The following CIITA variants were observed in gnomAD, a reference collection of about 807,000 sequenced individuals.
The protein encoded by CIITA is class II major histocompatibility complex transactivator.
CIITA carries 72 observed loss-of-function variants against 115.1 expected under a neutral mutation model. The ratio of observed to expected loss-of-function variants is 0.63; its 90% CI spans 0.52 to 0.76. The LOEUF is 0.76. Among genes scored for constraint, CIITA ranks in the 30% least tolerant of loss-of-function variants. The pLI is 0.00. For missense variants in CIITA, 1,617 were observed against 1,463.8 expected (o/e 1.10, Z -1.71); for synonymous variants, 763 against 635.6 (o/e 1.20, Z -3.02).
intron 1 of CIITA, among the ~76,000 whole-genome samples, chr16:10,866,780 G>A (rs1260812643): frequency 6.6e-6 from 1 of 152,222 alleles, no homozygotes; most frequent in East Asian, 1.9e-4. Flanking sequence ...CACTCTGCTG[G>A]AAGGAACCAT....
At chr16:10,868,174 G>A (rs936931023) in intron 1 of CIITA, among the ~76,000 whole-genome samples, 4 of 152,152 alleles carry the variant, frequency 2.6e-5, no homozygotes, top group African/African-American at 4.8e-5. Flanking sequence ...CAGCCTAAGC[G>A]CAATCTAGAA....
intron 10 of CIITA, among the ~76,000 whole-genome samples, chr16:10,906,156 G>A (rs2144681684): frequency 6.6e-6 from 1 of 152,234 alleles, no homozygotes; most frequent in African/African-American, 2.4e-5. Flanking sequence ...TTGTGCCATT[G>A]CACGCCAGCC....
Position 10,918,431 on chromosome 16 carries a change from T to C in CIITA, c.3063-9T>C. 1 of 1,613,764 alleles carries C rather than the reference T, an allele frequency of 6.2e-7. No individual in the cohort carries two copies. The highest frequency in any genetic ancestry group is 2.2e-5 in the East Asian group (1 of 44,878). ...GTCCTGAGCCCTCCCCCTCACTGTG[T>C]CCCCGCAGTCTGTCCCAGAACAACA... On this transcript the variant is annotated splice_polypyrimidine_tract_variant and intron_variant, in intron 15 of 19. Transcript: ENST00000324288.
chr16:10,897,240 T>C (rs1306610875), intron 3 of CIITA, among the ~76,000 whole-genome samples: 1 of 152,220 alleles, frequency 6.6e-6, no homozygotes, highest in Non-Finnish European at 1.5e-5. Context: ...GCCTTCTTAC[T>C]GGTGAGGACT....
rs1303130418 is a variant in CIITA at position 10,902,093 on chromosome 16, C to T, written c.537C>T (p.Cys179=). 1 of 1,614,172 alleles carries T rather than the reference C, an allele frequency of 6.2e-7. No individual in the cohort carries two copies. Residue 179 remains cysteine (C), a synonymous_variant, in exon 7 of 20, where the codon TGC becomes TGT. Transcript: ENST00000324288. The stretch of plus-strand genomic sequence containing the variant: ...TCCTAGTGGGACCAGTGAGCGACTG[C>T]TCCACCCTGCCCTGCCTGCCACTGC... The part of the protein sequence containing the change: ...GSLLVGPVSD[C]STLPCLPLPA...
chr16:10,877,720 C>G (rs1324083158), intron 1 of CIITA, among the ~76,000 whole-genome samples: 1 of 152,228 alleles, frequency 6.6e-6, no homozygotes. Flanking sequence ...TGGGTAAATA[C>G]TGAGGGGTGC....
At chr16:10,877,997 GC>G (rs2036006808) in intron 1 of CIITA, among the ~76,000 whole-genome samples, 1 of 152,194 alleles carries the variant, frequency 6.6e-6, no homozygotes, top group Non-Finnish European at 1.5e-5. Flanking sequence ...GGAAGGGTGT[GC>G]CCCTGAAGAA....
chr16:10,897,323 T>C lies in CIITA; in HGVS notation c.296-1347T>C, dbSNP rs562223922. Among the ~76,000 whole-genome samples, 23 of 152,254 alleles carry C rather than the reference T, an allele frequency of 1.5e-4. No individual in the cohort carries two copies. The East Asian group carries it at 4.2e-3, about 28-fold the overall frequency. ...TCGGTGTGATAGTCTCTCTTCCTCT[T>C]CTCATAAAACCACTAGTCTTACTCC... On this transcript the variant is annotated intron_variant, in intron 3 of 19. Coordinates refer to ENST00000324288, the MANE Select transcript of CIITA (RefSeq NM_000246.4).
chr16:10,867,370 G>A (rs925321852), intron 1 of CIITA, among the ~76,000 whole-genome samples: 6 of 151,458 alleles, frequency 4.0e-5, no homozygotes, highest in Non-Finnish European at 7.4e-5. Flanking sequence ...GTGTGTGCAT[G>A]TGTGTGTCTG....
rs2039453116 is a variant in CIITA, at chr16:10,910,062, C to G, written c.2817-126C>G. On this transcript the variant is annotated intron_variant, in intron 12 of 19. Transcript: ENST00000324288. Reference sequence around the variant, plus strand: ...ATCTTTTTTTTTAAGAGGGGGACAACAGTTGCCCCAAGGAAAGCAATCCCC... The same window carrying G: ...ATCTTTTTTTTTAAGAGGGGGACAAGAGTTGCCCCAAGGAAAGCAATCCCC... 4 of 754,082 alleles carry G rather than the reference C, an allele frequency of 5.3e-6. No individual in the cohort carries two copies. The Admixed American group carries it at 8.2e-5, about 15-fold the overall frequency. The allele number at this position is 754,082 out of a possible 1,614,324, so 46.7% of individuals were successfully genotyped here. A position where few individuals can be genotyped will look rare whatever the true frequency, so the allele number is the denominator to read the frequency against.
rs371577816 is a variant in CIITA at position 10,907,137 on chromosome 16, C to T, written c.1645C>T (p.Pro549Ser). The stretch of plus-strand genomic sequence containing the variant: ...TTGCACCCTCCTCCTCACAGCCCGG[C>T]CCCGGGGCCGCCTGGTCCAGAGCCT... ...RGCTLLLTAR[P>S]RGRLVQSLSK... Residue 549 changes from proline to serine, a missense_variant, in exon 11 of 20, where the codon CCC becomes TCC. Coordinates refer to ENST00000324288, the MANE Select transcript of CIITA (RefSeq NM_000246.4). This position sits in a 1 kb window ranked among gnomAD's most constrained non-coding sequence, Gnocchi z 5.0. 3 of 1,612,486 alleles carry T rather than the reference C, an allele frequency of 1.9e-6. No homozygotes were observed. Among genetic ancestry groups the T allele is most frequent in the Non-Finnish European group, 8.5e-7 (1 of 1,179,822 alleles).
chr16:10,910,366 C>T, intron 13 of CIITA, 107 bp downstream of exon 13: 2 of 966,102 alleles, frequency 2.1e-6, no homozygotes, highest in African/African-American at 1.6e-5. Flanking sequence ...ATCATTCTTA[C>T]CCTCTTGCCC....
At chr16:10,892,149 C>T (rs1339848334) in intron 1 of CIITA, among the ~76,000 whole-genome samples, 1 of 151,952 alleles carries the variant, frequency 6.6e-6, no homozygotes, top group Non-Finnish European at 1.5e-5. Context: ...CATGGTGAAA[C>T]CCCATCTTTA....
chr16:10,941,686 G>A lies in CIITA; in HGVS notation n.812G>A. The A allele has an allele frequency of 6.3e-7, 1 of 1,581,182 alleles. No homozygotes were observed. The highest frequency in any genetic ancestry group is 1.2e-5 in the South Asian group (1 of 84,944). On this transcript the variant is annotated non_coding_transcript_exon_variant, in exon 2 of 2. Coordinates refer to the CIITA transcript ENST00000573379. The surrounding 1 kb of genome is among the most constrained non-coding windows in gnomAD (Gnocchi z 6.4). ...TGGTCCAGGGCATGGGTTGCGGATC[G>A]TGTAGGGAAGAGGGGAACAGCAGTC...
In CIITA at chr16:10,902,136, G is replaced by C; in HGVS notation, c.580G>C (p.Glu194Gln). 1.9e-6 allele frequency: 3 copies of C among 1,614,214 alleles called. No homozygotes were observed. The highest frequency in any genetic ancestry group is 2.5e-6 in the Non-Finnish European group (3 of 1,180,042). The change falls in exon 7 of 20, where the codon GAG (glutamate) becomes CAG (glutamine). Residue 194 changes from glutamate (E) to glutamine (Q), a missense_variant. By Grantham distance (29) the Glu-to-Gln change is conservative. Coordinates refer to ENST00000324288, the MANE Select transcript of CIITA (RefSeq NM_000246.4). ...CLPLPALFNQ[E>Q]PASGQMRLEK... ...GCCACTGCCTGCGCTGTTCAACCAG[G>C]AGCCAGCCTCCGGCCAGATGCGCCT... is the stretch of plus-strand genomic sequence containing the variant.
intron 16 of CIITA, among the ~76,000 whole-genome samples, chr16:10,921,930 T>C (rs1428106931): frequency 6.6e-6 from 1 of 152,228 alleles, no homozygotes; most frequent in Non-Finnish European, 1.5e-5. Flanking sequence ...GACAGAAACT[T>C]TGAGCAAGTC....
rs1001969845 is a variant in CIITA, at chr16:10,920,950, A to G, written c.3150-1217A>G. On this transcript the variant is annotated intron_variant, in intron 16 of 19. Transcript: ENST00000324288. This position sits in a 1 kb window ranked among gnomAD's most constrained non-coding sequence, Gnocchi z 4.5. The stretch of plus-strand genomic sequence containing the variant: ...TGGAGTGCAGTCTCAGTTCACTGCA[A>G]CTCCGCCTCCCGAGTTCAAGCAATT... Among the ~76,000 whole-genome samples the G allele has an allele frequency of 6.6e-6, 1 of 151,470 alleles. No individual in the cohort carries two copies. Among genetic ancestry groups the G allele is most frequent in the African/African-American group, 2.4e-5 (1 of 41,158 alleles).
At chr16:10,918,548 G>A (rs550951975) in intron 16 of CIITA, 22 bp downstream of exon 16, 20 of 1,608,806 alleles carry the variant, frequency 1.2e-5, no homozygotes, top group Middle Eastern at 1.7e-4. Flanking sequence ...CCCGGATACC[G>A]GTCAGGTGCT....
Position 10,922,502 on chromosome 16 carries a change from C to A in CIITA, c.3317+12C>A. On this transcript the variant is annotated intron_variant, in intron 18 of 19. Coordinates refer to ENST00000324288, the MANE Select transcript of CIITA (RefSeq NM_000246.4). The stretch of plus-strand genomic sequence containing the variant: ...GTGGAGACGCTGGCGTAAGTCCAGG[C>A]AACCCTGGTGGGTGGAGAACAACTC... 6.2e-7 allele frequency: 1 copy of A among 1,613,784 alleles called. No individual in the cohort carries two copies. The highest frequency in any genetic ancestry group is 8.5e-7 in the Non-Finnish European group (1 of 1,179,718).
Sources: allele counts gnomAD v4.1 joint callset (sites outside exome capture counted in the v4.1 genomes callset), GRCh38; gene constraint gnomAD v4.1.1; non-coding constraint Gnocchi (gnomAD v3.1); transcripts MANE v1.5; gene names NCBI Gene and HGNC (gene_info 2026-07-23, HGNC 2026-07-21).